The following TSPAN31 variants were observed in gnomAD, a reference collection of about 807,000 sequenced individuals.
TSPAN31 encodes the protein tetraspanin-31.
A neutral mutation model predicts 24.8 loss-of-function variants in TSPAN31; 16 were observed. The ratio of observed to expected loss-of-function variants is 0.64; its 90% CI spans 0.44 to 0.98. The LOEUF is 0.98. TSPAN31 is among the 50% of genes least tolerant of loss of function. TSPAN31 has a pLI of 0.00. For synonymous variants in TSPAN31, 87 were observed against 91.4 expected (o/e 0.95, Z 0.27); for missense variants, 209 against 251.6 (o/e 0.83, Z 1.15).
At position 57,746,729 on chromosome 12, in the gene TSPAN31, G is replaced by C; in HGVS notation, c.444+9G>C. The C allele has an allele frequency of 6.2e-7, 1 of 1,614,088 alleles. No individual in the cohort carries two copies. The highest frequency in any genetic ancestry group is 8.5e-7 in the Non-Finnish European group (1 of 1,179,958). ...ATGATTTCTGCACTGCAGTGAGTGT[G>C]TTGGGGGTGGTGCAGCAGCCAGGGG... On this transcript the variant is annotated intron_variant, in intron 4 of 5. Coordinates refer to ENST00000257910, the MANE Select transcript of TSPAN31 (RefSeq NM_005981.5).
At position 57,750,153 on chromosome 12, in the gene TSPAN31, C is replaced by CAATAAATA. The variant is rs140233512; in HGVS notation, c.*2902_*2909dup. 337 of 142,110 alleles carry CAATAAATA rather than the reference C, an allele frequency of 2.4e-3. No homozygotes were observed. Among genetic ancestry groups the CAATAAATA allele is most frequent in the African/African-American group, 7.3e-3 (277 of 38,186 alleles). The allele number at this position is 142,110 out of a possible 1,614,324, so 8.8% of individuals were successfully genotyped here. A position where few individuals can be genotyped will look rare whatever the true frequency, so the allele number is the denominator to read the frequency against. On this transcript the variant is annotated 3_prime_UTR_variant, in exon 6 of 6. Coordinates refer to ENST00000257910, the MANE Select transcript of TSPAN31 (RefSeq NM_005981.5). ...TGGGTGACAGAGTGAAACCTTATCT[C>CAATAAATA]AATAAATAAATAAATAAATAAATAA...
chr12:57,749,038 G>T lies in TSPAN31; in HGVS notation c.*1748G>T, dbSNP rs1955196490. Reference sequence around the variant, plus strand: ...GTTCTCTTCTATATCCTTCTCTGTGGGTGGCTATTTGCAGCTGTAATAAAA... The same window carrying T: ...GTTCTCTTCTATATCCTTCTCTGTGTGTGGCTATTTGCAGCTGTAATAAAA... On this transcript the variant is annotated 3_prime_UTR_variant, in exon 6 of 6. Transcript: ENST00000257910. The T allele has an allele frequency of 1.9e-6, 2 of 1,034,910 alleles. No homozygotes were observed. 64.1% of individuals were successfully genotyped at this position (1,034,910 alleles called of 1,614,324 possible). A position where few individuals can be genotyped will look rare whatever the true frequency, so the allele number is the denominator to read the frequency against.
chr12:57,745,440 G>C (rs1013432547), intron 1 of TSPAN31: 9 of 615,758 alleles, frequency 1.5e-5, no homozygotes, highest in South Asian at 6.0e-5. Context: ...GGCCGTGGGC[G>C]TAAGTTCCAT....
In TSPAN31 at chr12:57,745,684, A is replaced by G. The variant is rs985722316; in HGVS notation, c.64-61A>G. On this transcript the variant is annotated intron_variant, in intron 1 of 5. Coordinates refer to ENST00000257910, the MANE Select transcript of TSPAN31 (RefSeq NM_005981.5). ...CTGCCCCGCTCCCAAGTCCTCTTGT[A>G]TGGCCTTGGGCTGTGCCGCATGCTA... 8 of 1,585,192 alleles carry G rather than the reference A, an allele frequency of 5.0e-6. No individual in the cohort carries two copies. The African/African-American group carries it at 1.1e-4, about 22-fold the overall frequency.
intron 2 of TSPAN31, 86 bp from the exon 3 acceptor site, chr12:57,746,090 A>T (rs1290686153): frequency 6.9e-7 from 1 of 1,449,912 alleles, no homozygotes; most frequent in African/African-American, 1.4e-5. Context: ...TGGTGGTGTA[A>T]GTTCTATGAA....
In TSPAN31 at chr12:57,747,386, A is replaced by G; in HGVS notation, c.*96A>G. ...GGTCTGTAACCGTTTTGGTTTGAGAAAAAGGAAAGGCCCCTTGTCACATCC... is the reference window on the plus strand; with the variant it reads ...GGTCTGTAACCGTTTTGGTTTGAGAGAAAGGAAAGGCCCCTTGTCACATCC... On this transcript the variant is annotated 3_prime_UTR_variant, in exon 6 of 6. Coordinates refer to ENST00000257910, the MANE Select transcript of TSPAN31 (RefSeq NM_005981.5). 9.1e-7 allele frequency: 1 copy of G among 1,104,640 alleles called. No individual in the cohort carries two copies. Among genetic ancestry groups the G allele is most frequent in the Non-Finnish European group, 1.3e-6 (1 of 761,390 alleles). The allele number at this position is 1,104,640 out of a possible 1,614,324, so 68.4% of individuals were successfully genotyped here. A position where few individuals can be genotyped will look rare whatever the true frequency, so the allele number is the denominator to read the frequency against.
At chr12:57,745,318 G>A (rs1955133985) in intron 1 of TSPAN31, 101 bp downstream of exon 1, 2 of 1,343,834 alleles carry the variant, frequency 1.5e-6, no homozygotes, top group East Asian at 5.1e-5. Context: ...GGGGTTCCGG[G>A]AAGATTCCCA....
At chr12:57,746,070 CAATTT>C in intron 2 of TSPAN31, 101 bp from the exon 3 acceptor site, 1 of 1,431,136 alleles carries the variant, frequency 7.0e-7, no homozygotes, top group Non-Finnish European at 9.7e-7. Flanking sequence ...TTATTGCTTT[CAATTT>C]GACATGGTGG....
chr12:57,749,030 T>C lies in TSPAN31; in HGVS notation c.*1740T>C. 1 of 998,630 alleles carries C rather than the reference T, an allele frequency of 1.0e-6. No individual in the cohort carries two copies. The highest frequency in any genetic ancestry group is 1.6e-5 in the African/African-American group (1 of 62,766). 61.9% of individuals were successfully genotyped at this position (998,630 alleles called of 1,614,324 possible). A position where few individuals can be genotyped will look rare whatever the true frequency, so the allele number is the denominator to read the frequency against. On this transcript the variant is annotated 3_prime_UTR_variant, in exon 6 of 6. Coordinates refer to ENST00000257910, the MANE Select transcript of TSPAN31 (RefSeq NM_005981.5). ...CAGGATGGGTTCTCTTCTATATCCT[T>C]CTCTGTGGGTGGCTATTTGCAGCTG...
In TSPAN31 at chr12:57,745,868, G is replaced by T; in HGVS notation, c.187G>T (p.Gly63Ter). 1 of 1,613,386 alleles carries T rather than the reference G, an allele frequency of 6.2e-7. No homozygotes were observed. Among genetic ancestry groups the T allele is most frequent in the Middle Eastern group, 1.7e-4 (1 of 6,036 alleles). The change falls in exon 2 of 6, where the codon GGA (glycine) becomes TGA (stop). Residue 63 changes from glycine to a stop codon, truncating the protein, a stop_gained. Coordinates refer to ENST00000257910, the MANE Select transcript of TSPAN31 (RefSeq NM_005981.5). LOFTEE classifies it high-confidence loss of function. The part of the protein sequence containing the change: ...GVFLLLIAVA[G>*]LVGAVNHHQV... ...CTTCCTTCTCCTTATTGCAGTGGCT[G>T]GACTGGTGGGTGCTGTCAACCACCA...
chr12:57,746,952 G>T, intron 4 of TSPAN31, 66 bp from the exon 5 acceptor site: 1 of 1,451,616 alleles, frequency 6.9e-7, no homozygotes, highest in South Asian at 1.2e-5. Context: ...AGGGACATTC[G>T]GCATAGGTAT....
Position 57,746,263 on chromosome 12 carries a change from C to T in TSPAN31, c.312+7C>T. On this transcript the variant is annotated splice_region_variant and intron_variant, in intron 3 of 5. Transcript: ENST00000257910. ...TATTAACCGAAGCAAACAGGTAAGA[C>T]AGTACCCTTTCAAGTACTTACTTGC... The T allele has an allele frequency of 1.2e-6, 2 of 1,612,062 alleles. No homozygotes were observed. Among genetic ancestry groups the T allele is most frequent in the Non-Finnish European group, 1.7e-6 (2 of 1,178,100 alleles).
At position 57,748,304 on chromosome 12, in the gene TSPAN31, A is replaced by C. The variant is rs890445351; in HGVS notation, c.*1014A>C. On this transcript the variant is annotated 3_prime_UTR_variant, in exon 6 of 6. Coordinates refer to ENST00000257910, the MANE Select transcript of TSPAN31 (RefSeq NM_005981.5). ...CCCAAATATAAAGGTAGGGAAAGGG[A>C]CAAGAGGGAACATACCCCTTAGTGT... 1 of 553,052 alleles carries C rather than the reference A, an allele frequency of 1.8e-6. No individual in the cohort carries two copies. Among genetic ancestry groups the C allele is most frequent in the African/African-American group, 1.9e-5 (1 of 53,092 alleles). 34.3% of individuals were successfully genotyped at this position (553,052 alleles called of 1,614,324 possible). A position where few individuals can be genotyped will look rare whatever the true frequency, so the allele number is the denominator to read the frequency against.
rs1402005760 is a variant in TSPAN31 at position 57,749,190 on chromosome 12, G to A, written c.*1900G>A. 1 of 1,614,020 alleles carries A rather than the reference G, an allele frequency of 6.2e-7. No individual in the cohort carries two copies. Among genetic ancestry groups the A allele is most frequent in the Non-Finnish European group, 8.5e-7 (1 of 1,179,862 alleles). ...ACAGCCATCTCCAGTACCAGCAGCA[G>A]CTGTGCTCCCGACTCCTCCATCTCA... On this transcript the variant is annotated 3_prime_UTR_variant, in exon 6 of 6. Coordinates refer to ENST00000257910, the MANE Select transcript of TSPAN31 (RefSeq NM_005981.5).
chr12:57,747,868 A>G lies in TSPAN31; in HGVS notation c.*578A>G. On this transcript the variant is annotated 3_prime_UTR_variant, in exon 6 of 6. Coordinates refer to ENST00000257910, the MANE Select transcript of TSPAN31 (RefSeq NM_005981.5). ...AGCGATCCTCCTGCCTCAGTCTCCCAAGTAGCTGGGATTACAGGTGTGCAC... is the reference window on the plus strand; with the variant it reads ...AGCGATCCTCCTGCCTCAGTCTCCCGAGTAGCTGGGATTACAGGTGTGCAC... 5.7e-6 allele frequency: 1 copy of G among 175,930 alleles called. No individual in the cohort carries two copies. The allele number at this position is 175,930 out of a possible 1,614,324, so 10.9% of individuals were successfully genotyped here.
chr12:57,747,393 A>G lies in TSPAN31; in HGVS notation c.*103A>G. 1 of 1,024,248 alleles carries G rather than the reference A, an allele frequency of 9.8e-7. No individual in the cohort carries two copies. The highest frequency in any genetic ancestry group is 1.4e-6 in the Non-Finnish European group (1 of 694,838). The allele number at this position is 1,024,248 out of a possible 1,614,324, so 63.4% of individuals were successfully genotyped here. On this transcript the variant is annotated 3_prime_UTR_variant, in exon 6 of 6. Transcript: ENST00000257910. Reference sequence around the variant, plus strand: ...AACCGTTTTGGTTTGAGAAAAAGGAAAGGCCCCTTGTCACATCCTCTAAAA... The same window carrying G: ...AACCGTTTTGGTTTGAGAAAAAGGAGAGGCCCCTTGTCACATCCTCTAAAA...
chr12:57,745,051 T>G lies in TSPAN31; in HGVS notation c.-104T>G. The G allele has an allele frequency of 8.9e-7, 1 of 1,119,332 alleles. No individual in the cohort carries two copies. The highest frequency in any genetic ancestry group is 1.3e-6 in the Non-Finnish European group (1 of 758,216). 69.3% of individuals were successfully genotyped at this position (1,119,332 alleles called of 1,614,324 possible). A position where few individuals can be genotyped will look rare whatever the true frequency, so the allele number is the denominator to read the frequency against. On this transcript the variant is annotated 5_prime_UTR_variant, in exon 1 of 6. Coordinates refer to ENST00000257910, the MANE Select transcript of TSPAN31 (RefSeq NM_005981.5). ...GCAGGCGCAGAGTATTGGGTTTGGC[T>G]GGCCTCGATTTAAAGAGACAGAAGC...
chr12:57,748,514 C>T lies in TSPAN31; in HGVS notation c.*1224C>T. On this transcript the variant is annotated 3_prime_UTR_variant, in exon 6 of 6. Transcript: ENST00000257910. ...CAGCTTTTCTTCCTTCCATGGCAGC[C>T]ACTCCATTGCTCACTCCGGATTACC... 2 of 1,593,412 alleles carry T rather than the reference C, an allele frequency of 1.3e-6. No homozygotes were observed. Among genetic ancestry groups the T allele is most frequent in the Non-Finnish European group, 8.6e-7 (1 of 1,161,372 alleles).
At chr12:57,745,275 C>G in intron 1 of TSPAN31, 58 bp downstream of exon 1, 1 of 1,565,038 alleles carries the variant, frequency 6.4e-7, no homozygotes, top group Non-Finnish European at 8.7e-7. Flanking sequence ...GGGAGAATCT[C>G]TAGGGTACTT....
Sources: gnomAD v4.1 joint callset for allele counts on GRCh38, gnomAD v4.1.1 for gene constraint, MANE v1.5 for transcripts, NCBI Gene and HGNC (gene_info 2026-07-23, HGNC 2026-07-21) for gene names.